The following BSDC1 variants were observed in gnomAD, a reference collection of about 807,000 sequenced individuals.
BSDC1 encodes BSD domain containing 1, also known as BSD domain-containing protein 1.
BSDC1 carries 29 observed loss-of-function variants against 56.0 expected under a neutral mutation model. The ratio of observed to expected loss-of-function variants is 0.52; its 90% CI spans 0.39 to 0.71. The LOEUF (loss-of-function observed/expected upper bound fraction) is 0.71, where lower values mean the gene tolerates loss of function less well. Among genes scored for constraint, BSDC1 ranks in the 30% least tolerant of loss-of-function variants. The pLI is 0.00. For synonymous variants in BSDC1, 210 were observed against 215.3 expected, an observed-to-expected ratio of 0.98 and a Z score of 0.21; for missense variants, 477 against 548.5, an observed-to-expected ratio of 0.87 and a Z score of 1.30.
intron 9 of BSDC1, among the ~76,000 whole-genome samples, chr1:32,374,448 T>C (rs1304035717): frequency 1.3e-5 from 2 of 152,228 alleles, no homozygotes; most frequent in African/African-American, 4.8e-5. Flanking sequence ...AGCCTTAGCA[T>C]CCATGCTCTG....
At position 32,378,751 on chromosome 1, in the gene BSDC1, G is replaced by A. The variant is rs1236821604; in HGVS notation, c.501C>T (p.Pro167=). ...TCTTGGTGTAGAGGGCCCGGATGGA[G>A]GGGCTGCCTACAAGGAGCTCTGAGA... ...GEISELLVGS[P]SIRALYTKMV... Residue 167 remains proline (P), a synonymous_variant, in exon 6 of 11, where the codon CCC becomes CCT. Transcript: ENST00000455895. This position sits in a 1 kb window ranked among gnomAD's most constrained non-coding sequence, Gnocchi z 5.2. The A allele has an allele frequency of 5.9e-6, 9 of 1,536,362 alleles. No homozygotes were observed. Among genetic ancestry groups the A allele is most frequent in the Non-Finnish European group, 7.9e-6 (9 of 1,139,974 alleles).
chr1:32,386,153 C>A (rs1161257527), intron 3 of BSDC1, among the ~76,000 whole-genome samples: 2 of 151,958 alleles, frequency 1.3e-5, no homozygotes, highest in Admixed American at 6.6e-5. Flanking sequence ...CCCGTCTCTA[C>A]TAAAAAATAC....
chr1:32,381,252 A>C lies in BSDC1; in HGVS notation c.374T>G (p.Leu125Arg), dbSNP rs1304055934. ...ACAGTAGGTTGCTGGGTCCGACTGC[A>C]GGCTATAGAGGCGAGCCTGTAAGAA... The part of the protein sequence containing the change: ...YDGTKARLYS[L>R]QSDPATYCNE... The change falls in exon 5 of 11, where the codon CTG becomes CGG. Residue 125 changes from leucine to arginine, a missense_variant. Leu to Arg is a moderately radical substitution (Grantham distance 102, BLOSUM62 -2). Coordinates refer to ENST00000455895, the MANE Select transcript of BSDC1 (RefSeq NM_018045.8). 22 of 1,613,494 alleles carry C rather than the reference A, an allele frequency of 1.4e-5. No individual in the cohort carries two copies. The highest frequency in any genetic ancestry group is 1.8e-5 in the Non-Finnish European group (21 of 1,179,740).
Position 32,366,653 on chromosome 1 carries a change from A to T in BSDC1, c.1262T>A (p.Leu421Gln). Residue 421 changes from leucine to glutamine, a missense_variant and splice_region_variant, in exon 11 of 11, where the codon CTG becomes CAG. Physicochemically the swap from Leu to Gln is moderately radical, Grantham distance 113 (BLOSUM62 -2). Transcript: ENST00000455895. ...CCAGTCCTCCCACTCTACATCTTCC[A>T]GCTGCAAATGGGAGGGGGTAATGGA... is the stretch of plus-strand genomic sequence containing the variant. Reference protein sequence around the residue: ...ALSKVDASGELEDVEWEDWE With the variant: ...ALSKVDASGEQEDVEWEDWE The T allele has an allele frequency of 6.8e-7, 1 of 1,466,892 alleles. No individual in the cohort carries two copies. Among genetic ancestry groups the T allele is most frequent in the Non-Finnish European group, 9.0e-7 (1 of 1,105,496 alleles). The allele number at this position is 1,466,892 out of a possible 1,614,324, so 90.9% of individuals were successfully genotyped here.
intron 2 of BSDC1, among the ~76,000 whole-genome samples, chr1:32,391,867 A>G (rs1642877657): frequency 6.6e-6 from 1 of 152,238 alleles, no homozygotes; most frequent in African/African-American, 2.4e-5. Context: ...TTTTCCCATC[A>G]GCCTCAGCAC....
At chr1:32,375,239 ACT>A (rs1483594101) in intron 9 of BSDC1, among the ~76,000 whole-genome samples, 4 of 151,820 alleles carry the variant, frequency 2.6e-5, no homozygotes, top group Admixed American at 2.6e-4. Flanking sequence ...GAGACTGGAA[ACT>A]CTATGGTTTC....
chr1:32,393,721 T>C (rs1344050066), intron 2 of BSDC1: 1 of 286,878 alleles, frequency 3.5e-6, no homozygotes, highest in African/African-American at 2.2e-5. Context: ...TGAATGACTA[T>C]ACGAGTAAGT....
chr1:32,366,561 C>T lies in BSDC1; in HGVS notation c.*61G>A, dbSNP rs1215514352. 1 of 1,425,986 alleles carries T rather than the reference C, an allele frequency of 7.0e-7. No homozygotes were observed. Among genetic ancestry groups the T allele is most frequent in the Non-Finnish European group, 9.7e-7 (1 of 1,033,002 alleles). The allele number at this position is 1,425,986 out of a possible 1,614,324, so 88.3% of individuals were successfully genotyped here. A position where few individuals can be genotyped will look rare whatever the true frequency, so the allele number is the denominator to read the frequency against. ...ACATTCTCAGTCTTCCAGGGCTGGG[C>T]TGAGACGAGCGAGGGAGGCGAGAGA... On this transcript the variant is annotated 3_prime_UTR_variant, in exon 11 of 11. Coordinates refer to ENST00000455895, the MANE Select transcript of BSDC1 (RefSeq NM_018045.8).
At chr1:32,390,336 A>G (rs932145380) in intron 2 of BSDC1, among the ~76,000 whole-genome samples, 8 of 152,222 alleles carry the variant, frequency 5.3e-5, no homozygotes, top group African/African-American at 1.9e-4. Flanking sequence ...GGACAATGCT[A>G]GTAAAGATGG....
chr1:32,375,239 A>C (rs1356901303), intron 9 of BSDC1, among the ~76,000 whole-genome samples: 1 of 151,820 alleles, frequency 6.6e-6, no homozygotes, highest in African/African-American at 2.4e-5. Context: ...GAGACTGGAA[A>C]CTCTATGGTT....
At chr1:32,382,910 G>A (rs1342187382) in intron 4 of BSDC1, among the ~76,000 whole-genome samples, 1 of 147,394 alleles carries the variant, frequency 6.8e-6, no homozygotes, top group Non-Finnish European at 1.5e-5. Context: ...AGAAAATGCA[G>A]CAAAAATACG....
At chr1:32,375,873 C>T (rs1642260660) in intron 9 of BSDC1, among the ~76,000 whole-genome samples, 1 of 152,114 alleles carries the variant, frequency 6.6e-6, no homozygotes, top group Non-Finnish European at 1.5e-5. Flanking sequence ...AGTCAGACAG[C>T]CCTGGGTCTG....
chr1:32,386,650 G>A lies in BSDC1; in HGVS notation c.189+129C>T, dbSNP rs1570162253. ...TTGCCAGACACAATTCTTTCAAAAT[G>A]GGAGGAAAAGTAATCCACATATTTT... On this transcript the variant is annotated intron_variant, in intron 3 of 10. Coordinates refer to ENST00000455895, the MANE Select transcript of BSDC1 (RefSeq NM_018045.8). 4 of 554,602 alleles carry A rather than the reference G, an allele frequency of 7.2e-6. No homozygotes were observed. In the East Asian group the frequency reaches 1.3e-4, roughly 18 times the overall value. 34.4% of individuals were successfully genotyped at this position (554,602 alleles called of 1,614,324 possible).
chr1:32,394,193 A>G (rs1642970968), intron 1 of BSDC1, 53 bp from the exon 2 acceptor site: 1 of 1,586,886 alleles, frequency 6.3e-7, no homozygotes, highest in South Asian at 1.1e-5. Flanking sequence ...CTGCCCGCCC[A>G]AGGATCCGGT....
chr1:32,366,580 CGA>C lies in BSDC1; in HGVS notation c.*40_*41del, dbSNP rs1557631702. On this transcript the variant is annotated 3_prime_UTR_variant, in exon 11 of 11. Coordinates refer to ENST00000455895, the MANE Select transcript of BSDC1 (RefSeq NM_018045.8). ...GCTGGGCTGAGACGAGCGAGGGAGGCGAGAGATGCCATGGGTGGGGGAGCTGC... is the reference window on the plus strand; with the variant it reads ...GCTGGGCTGAGACGAGCGAGGGAGGCGAGATGCCATGGGTGGGGGAGCTGC... The C allele has an allele frequency of 6.7e-7, 1 of 1,495,198 alleles. No homozygotes were observed. Among genetic ancestry groups the C allele is most frequent in the Admixed American group, 2.0e-5 (1 of 49,944 alleles). 92.6% of individuals were successfully genotyped at this position (1,495,198 alleles called of 1,614,324 possible).
In BSDC1 at chr1:32,378,215, C is replaced by T. The variant is rs1642363189; in HGVS notation, c.597G>A (p.Gln199=). 1.2e-6 allele frequency: 2 copies of T among 1,614,094 alleles called. No homozygotes were observed. Among genetic ancestry groups the T allele is most frequent in the Non-Finnish European group, 1.7e-6 (2 of 1,180,030 alleles). The change falls in exon 7 of 11, where the codon CAG becomes CAA. Residue 199 remains glutamine, a splice_region_variant and synonymous_variant. Coordinates refer to ENST00000455895, the MANE Select transcript of BSDC1 (RefSeq NM_018045.8). The surrounding 1 kb of genome is among the most constrained non-coding windows in gnomAD (Gnocchi z 5.2). ...RYFYKVHQLE[Q]EQARRDALKQ... is the part of the protein sequence containing the mutation. ...ACCTCCCCATGCTAGACCAGCATAC[C>T]TGCTCTAACTGATGGACTTTATAGA...
At chr1:32,368,337 C>G in intron 10 of BSDC1, 110 bp downstream of exon 10, 2 of 1,613,588 alleles carry the variant, frequency 1.2e-6, no homozygotes, top group Non-Finnish European at 1.7e-6. Flanking sequence ...CACCTGTCAC[C>G]TCAGACAGGA....
chr1:32,386,360 T>G, intron 3 of BSDC1: 1 of 152,314 alleles, frequency 6.6e-6, no homozygotes, highest in Non-Finnish European at 1.5e-5. Flanking sequence ...AAACATGGTG[T>G]TCAATTGACC....
chr1:32,381,977 A>G (rs950548670), intron 4 of BSDC1, among the ~76,000 whole-genome samples: 4 of 152,210 alleles, frequency 2.6e-5, no homozygotes, highest in African/African-American at 9.6e-5. Context: ...CTGTAATCCC[A>G]GCACTCTGGG....
Sources: gnomAD v4.1 joint callset for allele counts (sites outside exome capture counted in the v4.1 genomes callset) on GRCh38, gnomAD v4.1.1 for gene constraint, Gnocchi (gnomAD v3.1) non-coding constraint, MANE v1.5 for transcripts, NCBI Gene and HGNC (gene_info 2026-07-23, HGNC 2026-07-21) for gene names.